The following SLC66A2 variants were observed in gnomAD, a reference collection of about 807,000 sequenced individuals.
SLC66A2 encodes the protein solute carrier family 66 member 2.
A neutral mutation model predicts 25.5 loss-of-function variants in SLC66A2; 23 were observed. The ratio of observed to expected loss-of-function variants is 0.90; its 90% CI spans 0.65 to 1.28. The LOEUF is 1.28. Among genes scored for constraint, SLC66A2 ranks in the 50% most tolerant of loss-of-function variants. The pLI, the probability that SLC66A2 is intolerant of heterozygous loss-of-function variation, is 0.00. For synonymous variants in SLC66A2, 193 were observed against 166.5 expected (o/e 1.16, Z -1.23); for missense variants, 396 against 373.1 (o/e 1.06, Z -0.51).
chr18:79,932,296 G>GA (rs1010611777), intron 4 of SLC66A2, among the ~76,000 whole-genome samples: 2 of 151,040 alleles, frequency 1.3e-5, no homozygotes, highest in Admixed American at 6.6e-5. Flanking sequence ...AAGGAAGAAA[G>GA]AAAAAAAATC....
chr18:79,922,831 T>TG (rs1318955654), intron 4 of SLC66A2, among the ~76,000 whole-genome samples: 1 of 15,284 alleles, frequency 6.5e-5, no homozygotes. Flanking sequence ...ATAGAGGGAT[T>TG]GGGGGGGTTG....
chr18:79,933,397 C>T (rs1475454510), intron 4 of SLC66A2, among the ~76,000 whole-genome samples: 1 of 152,168 alleles, frequency 6.6e-6, no homozygotes, highest in African/African-American at 2.4e-5. Context: ...CATCCACTCT[C>T]ACCGCCTATA....
Position 79,917,077 on chromosome 18 carries a change from A to G in SLC66A2, c.608+2107T>C, listed in dbSNP as rs778826927. 5.3e-5 allele frequency among the ~76,000 whole-genome samples: 8 copies of G among 152,184 alleles called. No individual in the cohort carries two copies. Among genetic ancestry groups the G allele is most frequent in the Non-Finnish European group, 7.4e-5 (5 of 68,020 alleles). On this transcript the variant is annotated intron_variant, in intron 5 of 5. Coordinates refer to ENST00000397778, the MANE Select transcript of SLC66A2 (RefSeq NM_025078.5). The surrounding 1 kb of genome is among the most constrained non-coding windows in gnomAD (Gnocchi z 6.0). ...AGTGAGAACAGGAAAAGCACGTCCA[A>G]TGTGTTTCTTCCACACACAGACCCC...
chr18:79,912,065 G>C (rs1983268415), intron 5 of SLC66A2, among the ~76,000 whole-genome samples: 1 of 132,050 alleles, frequency 7.6e-6, no homozygotes, highest in Admixed American at 7.7e-5. Context: ...AGCAGGAGGG[G>C]ATGGCAGCAG....
At chr18:79,905,254 T>C (rs1036528485) in intron 5 of SLC66A2, among the ~76,000 whole-genome samples, 3 of 152,218 alleles carry the variant, frequency 2.0e-5, no homozygotes, top group African/African-American at 7.2e-5. Context: ...TTAGCTAAAT[T>C]ATAAGGCCCT....
intron 3 of SLC66A2, chr18:79,935,384 T>A (rs7230837): frequency 0.36 from 55,336 of 152,224 alleles, 10,879 homozygotes; most frequent in Middle Eastern, 0.5. Flanking sequence ...GAATGCAGAG[T>A]TCTGATGCTG....
At chr18:79,908,273 C>T (rs191514311) in intron 5 of SLC66A2, among the ~76,000 whole-genome samples, 1 of 151,982 alleles carries the variant, frequency 6.6e-6, no homozygotes, top group Non-Finnish European at 1.5e-5. Flanking sequence ...CGCTTTGTTT[C>T]CTTTCATTCG....
intron 4 of SLC66A2, among the ~76,000 whole-genome samples, chr18:79,924,667 A>G (rs1985713473): frequency 6.6e-6 from 1 of 152,222 alleles, no homozygotes; most frequent in South Asian, 2.1e-4. Flanking sequence ...GAAAATTTTA[A>G]TGTATGTGAC....
At position 79,940,159 on chromosome 18, in the gene SLC66A2, G is replaced by A. The variant is rs538086449; in HGVS notation, c.337+3170C>T. 4.6e-5 allele frequency among the ~76,000 whole-genome samples: 7 copies of A among 152,294 alleles called. No individual in the cohort carries two copies. The highest frequency in any genetic ancestry group is 1.3e-4 in the Admixed American group (2 of 15,288). ...AAGACCAAATGCCGCATGTTCTCAC[G>A]TGTAAGTGGGAGCTAAATGATGAGA... On this transcript the variant is annotated intron_variant, in intron 3 of 5. Coordinates refer to ENST00000397778, the MANE Select transcript of SLC66A2 (RefSeq NM_025078.5). The surrounding 1 kb of genome is among the most constrained non-coding windows in gnomAD (Gnocchi z 4.1).
rs1271432858 is a variant in SLC66A2, at chr18:79,926,797, T to C, written c.391+7172A>G. Among the ~76,000 whole-genome samples, 4 of 152,082 alleles carry C rather than the reference T, an allele frequency of 2.6e-5. No homozygotes were observed. In the East Asian group the frequency reaches 7.7e-4, roughly 29 times the overall value. ...TAAGGGGTACAGACGGTGCAGCTGCTTACCTGAATGACTTCTTAAATGAGT... is the reference window on the plus strand; with the variant it reads ...TAAGGGGTACAGACGGTGCAGCTGCCTACCTGAATGACTTCTTAAATGAGT... On this transcript the variant is annotated intron_variant, in intron 4 of 5. Transcript: ENST00000397778.
rs1232277073 is a variant in SLC66A2 at position 79,937,174 on chromosome 18, C to T, written c.338-3152G>A. Among the ~76,000 whole-genome samples the T allele has an allele frequency of 6.6e-6, 1 of 152,190 alleles. No homozygotes were observed. The highest frequency in any genetic ancestry group is 6.6e-5 in the Admixed American group (1 of 15,264). On this transcript the variant is annotated intron_variant, in intron 3 of 5. Transcript: ENST00000397778. The surrounding 1 kb of genome is among the most constrained non-coding windows in gnomAD (Gnocchi z 5.4). ...GGCCAACCCTCACACATGCCTAGGCCGTGGTCTCCAAACACTGTGTCCCAG... is the reference window on the plus strand; with the variant it reads ...GGCCAACCCTCACACATGCCTAGGCTGTGGTCTCCAAACACTGTGTCCCAG...
intron 5 of SLC66A2, among the ~76,000 whole-genome samples, chr18:79,905,360 A>G (rs1408901511): frequency 6.6e-6 from 1 of 152,170 alleles, no homozygotes; most frequent in African/African-American, 2.4e-5. Flanking sequence ...TCTCTTCCAC[A>G]GACAAAAAGA....
chr18:79,914,054 G>A (rs1031868418), intron 5 of SLC66A2, among the ~76,000 whole-genome samples: 5 of 152,074 alleles, frequency 3.3e-5, no homozygotes, highest in Non-Finnish European at 5.9e-5. Context: ...GATTACAGAC[G>A]CCTGCCACAC....
chr18:79,947,043 A>G (rs2050949116), intron 2 of SLC66A2, among the ~76,000 whole-genome samples: 2 of 152,158 alleles, frequency 1.3e-5, no homozygotes, highest in Non-Finnish European at 2.9e-5. Context: ...TATCACCTTT[A>G]GTAACAAAAT....
rs1165591797 is a variant in SLC66A2, at chr18:79,937,454, T to C, written c.338-3432A>G. On this transcript the variant is annotated intron_variant, in intron 3 of 5. Transcript: ENST00000397778. This position sits in a 1 kb window ranked among gnomAD's most constrained non-coding sequence, Gnocchi z 5.4. ...ATGACTCAGAAACATGCACTCATCA[T>C]TGCAAGATGCTAGGGAACCAACTTT... Among the ~76,000 whole-genome samples the C allele has an allele frequency of 6.6e-6, 1 of 152,216 alleles. No individual in the cohort carries two copies. The highest frequency in any genetic ancestry group is 6.5e-5 in the Admixed American group (1 of 15,288).
rs145746863 is a variant in SLC66A2 at position 79,903,228 on chromosome 18, G to C, written c.*748C>G. Reference sequence around the variant, plus strand: ...AGCCATTGCCCATGAGGGCCTCCACGTTGTCTGATGGTCGCTGGCATCTGC... The same window carrying C: ...AGCCATTGCCCATGAGGGCCTCCACCTTGTCTGATGGTCGCTGGCATCTGC... On this transcript the variant is annotated 3_prime_UTR_variant, in exon 6 of 6. Coordinates refer to ENST00000397778, the MANE Select transcript of SLC66A2 (RefSeq NM_025078.5). The C allele has an allele frequency of 6.6e-6, 1 of 152,380 alleles. No individual in the cohort carries two copies. The highest frequency in any genetic ancestry group is 1.5e-5 in the Non-Finnish European group (1 of 68,154). 9.4% of individuals were successfully genotyped at this position (152,380 alleles called of 1,614,324 possible).
chr18:79,918,419 C>A lies in SLC66A2; in HGVS notation c.608+765G>T, dbSNP rs1350552631. On this transcript the variant is annotated intron_variant, in intron 5 of 5. Transcript: ENST00000397778. The surrounding 1 kb of genome is among the most constrained non-coding windows in gnomAD (Gnocchi z 4.0). ...GGCGGATCCCCAGTGAGGAGCGGGC[C>A]CGGGGGGGGGTCCCCAGTGAGGAGC... Among the ~76,000 whole-genome samples, 1 of 67,586 alleles carries A rather than the reference C, an allele frequency of 1.5e-5. No individual in the cohort carries two copies. The highest frequency in any genetic ancestry group is 3.4e-5 in the African/African-American group (1 of 29,282). The allele number at this position is 67,586 out of a possible 152,430, so 44.3% of individuals were successfully genotyped here.
chr18:79,924,231 T>C lies in SLC66A2; in HGVS notation c.392-4831A>G, dbSNP rs1312977752. 3.9e-5 allele frequency among the ~76,000 whole-genome samples: 6 copies of C among 151,938 alleles called. No individual in the cohort carries two copies. The East Asian group carries it at 9.6e-4, about 24-fold the overall frequency. ...GATTTCCAAACAGAACGTGGCCTGGTGCACAGTGGAGTATTAGCCACAAAA... is the reference window on the plus strand; with the variant it reads ...GATTTCCAAACAGAACGTGGCCTGGCGCACAGTGGAGTATTAGCCACAAAA... On this transcript the variant is annotated intron_variant, in intron 4 of 5. Transcript: ENST00000397778.
intron 2 of SLC66A2, chr18:79,947,429 C>T (rs2050962190): frequency 6.7e-6 from 1 of 148,450 alleles, no homozygotes; most frequent in African/African-American, 2.5e-5. Context: ...TGCAGAGCCC[C>T]ATATGCCATG....
Sources: allele counts gnomAD v4.1 joint callset (sites outside exome capture counted in the v4.1 genomes callset), GRCh38; gene constraint gnomAD v4.1.1; non-coding constraint Gnocchi (gnomAD v3.1); transcripts MANE v1.5; gene names NCBI Gene and HGNC (gene_info 2026-07-23, HGNC 2026-07-21).